Variants in ZCCHC10 observed in about 807,000 individuals in gnomAD.
ZCCHC10 encodes the protein zinc finger CCHC domain-containing protein 10.
A neutral mutation model predicts 19.5 loss-of-function variants in ZCCHC10; 16 were observed. That is an observed-to-expected ratio of 0.82 (90% CI 0.56 to 1.25). ZCCHC10 has a LOEUF of 1.25. ZCCHC10 is among the 50% of genes most tolerant of loss of function. ZCCHC10 has a pLI of 0.00. For missense variants in ZCCHC10, 197 were observed against 201.0 expected (o/e 0.98, Z 0.12); for synonymous variants, 67 against 72.5 (o/e 0.92, Z 0.38).
Position 133,010,268 on chromosome 5 carries a change from C to T in ZCCHC10, c.108-3348G>A, listed in dbSNP as rs867529390. 5.9e-5 allele frequency among the ~76,000 whole-genome samples: 9 copies of T among 152,010 alleles called. No homozygotes were observed. In the Middle Eastern group the frequency reaches 0.01, roughly 172 times the overall value. On this transcript the variant is annotated intron_variant, in intron 2 of 4. Transcript: ENST00000509437. ...TTCACCGTATTATCCTGGCTGGTCT[C>T]GAACTCCTAGGCTCAGGCAATCCAC...
At chr5:133,008,487 G>A (rs866059792) in intron 2 of ZCCHC10, among the ~76,000 whole-genome samples, 4 of 144,424 alleles carry the variant, frequency 2.8e-5, no homozygotes, top group South Asian at 2.1e-4. Context: ...GCAGTGAGCC[G>A]AGATTGCGCC....
At chr5:133,005,692 C>A (rs905832893) in intron 3 of ZCCHC10, among the ~76,000 whole-genome samples, 1 of 152,046 alleles carries the variant, frequency 6.6e-6, no homozygotes. Flanking sequence ...TACGTGAGGA[C>A]AATACACTAA....
intron 3 of ZCCHC10, among the ~76,000 whole-genome samples, chr5:133,001,706 C>T (rs909766578): frequency 6.6e-6 from 1 of 152,078 alleles, no homozygotes; most frequent in Non-Finnish European, 1.5e-5. Flanking sequence ...ATCTGCTCAC[C>T]TCAGCTTCCC....
intron 2 of ZCCHC10, among the ~76,000 whole-genome samples, chr5:133,019,468 T>C (rs1361644640): frequency 6.6e-6 from 1 of 152,208 alleles, no homozygotes; most frequent in Non-Finnish European, 1.5e-5. Flanking sequence ...TACAGGCTTT[T>C]TACGTGAAAT....
intron 1 of ZCCHC10, among the ~76,000 whole-genome samples, chr5:133,023,496 C>G (rs1764466325): frequency 6.9e-6 from 1 of 145,856 alleles, no homozygotes; most frequent in African/African-American, 2.6e-5. Context: ...ACGATAAAGC[C>G]AGGTGCGGTG....
At chr5:132,998,905 A>G (rs1047469300) in intron 4 of ZCCHC10, 55 bp from the exon 5 acceptor site, 1 of 1,574,324 alleles carries the variant, frequency 6.4e-7, no homozygotes, top group Non-Finnish European at 8.6e-7. Flanking sequence ...ATAGAATGTT[A>G]AAAGCAATTT....
intron 2 of ZCCHC10, among the ~76,000 whole-genome samples, chr5:133,008,614 C>T (rs576238843): frequency 6.6e-6 from 1 of 151,502 alleles, no homozygotes; most frequent in Non-Finnish European, 1.5e-5. Flanking sequence ...TCTGTAATCC[C>T]AGCATTTTGG....
intron 2 of ZCCHC10, among the ~76,000 whole-genome samples, chr5:133,016,453 T>C (rs1003796728): frequency 4.6e-5 from 7 of 152,314 alleles, no homozygotes; most frequent in African/African-American, 1.2e-4. Flanking sequence ...CTCTTTTTTT[T>C]TTATTCTGAG....
intron 2 of ZCCHC10, among the ~76,000 whole-genome samples, chr5:133,021,556 AG>A: frequency 6.6e-6 from 1 of 152,292 alleles, no homozygotes; most frequent in Non-Finnish European, 1.5e-5. Context: ...CTGAAATCGC[AG>A]CAGCTTTTGG....
At chr5:133,007,794 C>T (rs559338213) in intron 2 of ZCCHC10, among the ~76,000 whole-genome samples, 5 of 152,196 alleles carry the variant, frequency 3.3e-5, no homozygotes, top group African/African-American at 9.6e-5. Flanking sequence ...AAGCATAGAC[C>T]TTGAAGTTAA....
chr5:133,008,845 C>CT (rs1235081668), intron 2 of ZCCHC10, among the ~76,000 whole-genome samples: 3 of 151,932 alleles, frequency 2.0e-5, no homozygotes, highest in Non-Finnish European at 4.4e-5. Context: ...AACCCTGTCT[C>CT]TAAAAAAAAC....
intron 2 of ZCCHC10, among the ~76,000 whole-genome samples, chr5:133,019,400 T>G (rs1265699071): frequency 1.3e-5 from 2 of 152,222 alleles, no homozygotes; most frequent in East Asian, 3.8e-4. Context: ...GAATTATCTA[T>G]TCAAACAATA....
At chr5:133,011,145 TCTCA>T (rs1763479535) in intron 2 of ZCCHC10, among the ~76,000 whole-genome samples, 1 of 150,698 alleles carries the variant, frequency 6.6e-6, no homozygotes, top group Non-Finnish European at 1.5e-5. Flanking sequence ...AGAGAAGAGG[TCTCA>T]CTAAGTTGCC....
At chr5:133,009,009 T>C (rs1763319771) in intron 2 of ZCCHC10, among the ~76,000 whole-genome samples, 1 of 140,656 alleles carries the variant, frequency 7.1e-6, no homozygotes, top group Non-Finnish European at 1.6e-5. Flanking sequence ...GGAGATTCTC[T>C]TTTTTTTTTT....
intron 1 of ZCCHC10, 63 bp downstream of exon 1, chr5:133,026,434 C>G (rs570186178): frequency 1.3e-6 from 2 of 1,595,450 alleles, no homozygotes; most frequent in African/African-American, 2.7e-5. Context: ...CCGACACCAG[C>G]CCGTTGACGC....
chr5:132,998,280 T>C lies in ZCCHC10; in HGVS notation c.*303A>G, dbSNP rs1409200213. ...TACCACTAACATATATAACAAAGTATGGCATTTATTTCACAGAGAGAAAAG... is the reference window on the plus strand; with the variant it reads ...TACCACTAACATATATAACAAAGTACGGCATTTATTTCACAGAGAGAAAAG... On this transcript the variant is annotated 3_prime_UTR_variant, in exon 5 of 5. Coordinates refer to ENST00000509437, the MANE Select transcript of ZCCHC10 (RefSeq NM_001300816.3). The C allele has an allele frequency of 3.6e-6, 1 of 278,674 alleles. No individual in the cohort carries two copies. Among genetic ancestry groups the C allele is most frequent in the Non-Finnish European group, 6.9e-6 (1 of 144,810 alleles). The allele number at this position is 278,674 out of a possible 1,614,324, so 17.3% of individuals were successfully genotyped here.
At chr5:133,014,212 T>C (rs1326792760) in intron 2 of ZCCHC10, among the ~76,000 whole-genome samples, 2 of 144,262 alleles carry the variant, frequency 1.4e-5, no homozygotes, top group Non-Finnish European at 3.0e-5. Context: ...CAGGCTGGAG[T>C]GCAATGGCGC....
chr5:133,004,742 G>A (rs569453323), intron 3 of ZCCHC10, among the ~76,000 whole-genome samples: 172 of 151,462 alleles, frequency 1.1e-3, no homozygotes, highest in Non-Finnish European at 2.0e-3. Context: ...TGCCTGCCTC[G>A]GCCTCCCAAA....
At chr5:133,022,981 A>T (rs2126656944) in intron 1 of ZCCHC10, 75 bp from the exon 2 acceptor site, 1 of 422,092 alleles carries the variant, frequency 2.4e-6, no homozygotes, top group South Asian at 6.7e-5. Flanking sequence ...AAGGCAGGGG[A>T]GGTCTGACTT....
Sources: gnomAD v4.1 joint callset for allele counts (sites outside exome capture counted in the v4.1 genomes callset) on GRCh38, gnomAD v4.1.1 for gene constraint, MANE v1.5 for transcripts, NCBI Gene and HGNC (gene_info 2026-07-23, HGNC 2026-07-21) for gene names.